NRG4: variants seen among roughly 807,000 people sequenced by gnomAD.
The protein encoded by NRG4 is pro-neuregulin-4, membrane-bound isoform.
Under a neutral mutation model 15.0 loss-of-function variants are expected in NRG4, and 10 were observed. That is an observed-to-expected ratio of 0.67 (90% CI 0.41 to 1.13). The LOEUF is 1.13. NRG4 is among the 50% of genes most tolerant of loss of function. NRG4 has a pLI of 0.00. For synonymous variants in NRG4, 41 were observed against 50.1 expected, an observed-to-expected ratio of 0.82 and a Z score of 0.77; for missense variants, 139 against 140.2, an observed-to-expected ratio of 0.99 and a Z score of 0.04.
Position 75,942,555 on chromosome 15 carries a change from C to T in NRG4, c.*1083G>A, listed in dbSNP as rs2031106161. On this transcript the variant is annotated 3_prime_UTR_variant, in exon 6 of 6. Coordinates refer to ENST00000394907, the MANE Select transcript of NRG4 (RefSeq NM_138573.4). ...TGTGTACTCTGTCTCAATGTCTTAC[C>T]CTCATGTGTTTGTGAAATGAGTGAA... 1 of 151,910 alleles carries T rather than the reference C, an allele frequency of 6.6e-6. No individual in the cohort carries two copies. 9.4% of individuals were successfully genotyped at this position (151,910 alleles called of 1,614,324 possible). A position where few individuals can be genotyped will look rare whatever the true frequency, so the allele number is the denominator to read the frequency against.
At chr15:75,965,420 G>A (rs2032752757) in intron 3 of NRG4, among the ~76,000 whole-genome samples, 1 of 152,148 alleles carries the variant, frequency 6.6e-6, no homozygotes, top group African/African-American at 2.4e-5. Context: ...TTATCTTACA[G>A]CTGGGATAAA....
In NRG4 at chr15:75,977,025, G is replaced by T. The variant is rs533024942; in HGVS notation, c.105-15051C>A. On this transcript the variant is annotated intron_variant, in intron 3 of 5. Coordinates refer to ENST00000394907, the MANE Select transcript of NRG4 (RefSeq NM_138573.4). This position sits in a 1 kb window ranked among gnomAD's most constrained non-coding sequence, Gnocchi z 4.9. ...GCTGCCTTTCTTTCAGAGATGCCCT[G>T]CCCAGAGAGGAGGAATCTAGAGAGG... Among the ~76,000 whole-genome samples the T allele has an allele frequency of 8.5e-5, 13 of 152,312 alleles. No individual in the cohort carries two copies. The East Asian group carries it at 2.1e-3, about 25-fold the overall frequency.
Position 76,007,575 on chromosome 15 carries a change from G to GC in NRG4, c.104+1624dup, listed in dbSNP as rs2034653379. Among the ~76,000 whole-genome samples, 5 of 151,832 alleles carry GC rather than the reference G, an allele frequency of 3.3e-5. No homozygotes were observed. In the South Asian group the frequency reaches 1.0e-3, roughly 32 times the overall value. On this transcript the variant is annotated intron_variant, in intron 3 of 5. Transcript: ENST00000394907. The stretch of plus-strand genomic sequence containing the variant: ...CTCCCGAGTAGCTGGGACTACAGGC[G>GC]CCCACCATCATGCCCAGCTAATTTT...
Position 76,043,796 on chromosome 15 carries a change from T to G in NRG4, c.-104-7805A>C, listed in dbSNP as rs554716759. Among the ~76,000 whole-genome samples, 11 of 152,240 alleles carry G rather than the reference T, an allele frequency of 7.2e-5. No individual in the cohort carries two copies. The South Asian group carries it at 1.0e-3, about 14-fold the overall frequency. On this transcript the variant is annotated intron_variant, in intron 4 of 8. Transcript: ENST00000563910. Reference sequence around the variant, plus strand: ...GAAACAGAAGAAACAATCCTAAAACTTATATGGAACCAGAAAAGACCCAGA... The same window carrying G: ...GAAACAGAAGAAACAATCCTAAAACGTATATGGAACCAGAAAAGACCCAGA...
chr15:75,972,147 G>C (rs1265233296), intron 3 of NRG4, among the ~76,000 whole-genome samples: 2 of 152,020 alleles, frequency 1.3e-5, no homozygotes, highest in Non-Finnish European at 2.9e-5. Flanking sequence ...TCATATGTTT[G>C]TTGGCCACAT....
upstream of NRG4, among the ~76,000 whole-genome samples, chr15:76,015,142 TTGTC>T (rs1346004197): frequency 6.6e-6 from 1 of 152,020 alleles, no homozygotes; most frequent in Non-Finnish European, 1.5e-5. Context: ...TTGGCTCTCT[TTGTC>T]TGTTATTGGT....
At chr15:75,980,481 G>A (rs10444808) in intron 3 of NRG4, among the ~76,000 whole-genome samples, 8,366 of 151,340 alleles carry the variant, frequency 0.055, 278 homozygotes, top group East Asian at 0.081. Context: ...AAGCATTTAG[G>A]ATAAAGGATA....
intron 3 of NRG4, among the ~76,000 whole-genome samples, chr15:75,967,398 T>C (rs113905425): frequency 0.011 from 1,741 of 152,046 alleles, 31 homozygotes; most frequent in African/African-American, 0.038. Context: ...AAACTGATCA[T>C]TATTAGTACA....
chr15:75,940,909 C>G (rs559227073), downstream of NRG4: 1 of 152,054 alleles, frequency 6.6e-6, no homozygotes, highest in South Asian at 2.1e-4. Flanking sequence ...GATATGACAC[C>G]AAATTCACAG....
chr15:76,023,905 C>T (rs2035233267), intron 5 of NRG4, among the ~76,000 whole-genome samples: 3 of 152,212 alleles, frequency 2.0e-5, no homozygotes, highest in Non-Finnish European at 4.4e-5. Flanking sequence ...ACACTCTCCC[C>T]TAAGCTAAGC....
At chr15:76,016,542 G>C (rs2034985857), upstream of NRG4, among the ~76,000 whole-genome samples, 1 of 152,064 alleles carries the variant, frequency 6.6e-6, no homozygotes, top group Admixed American at 6.6e-5. Flanking sequence ...TTGTTTCTTT[G>C]TTCTTATTGG....
intron 3 of NRG4, among the ~76,000 whole-genome samples, chr15:76,003,111 AGTATATTCTCTCACTATAATG>A (rs2034472943): frequency 6.6e-6 from 1 of 152,226 alleles, no homozygotes; most frequent in Non-Finnish European, 1.5e-5. Flanking sequence ...AATTGTAAAG[AGTATATTCTCTCACTATAATG>A]GAATTAAACT....
At chr15:76,054,282 G>A (rs1342654651) in intron 2 of NRG4, among the ~76,000 whole-genome samples, 1 of 150,520 alleles carries the variant, frequency 6.6e-6, no homozygotes, top group Non-Finnish European at 1.5e-5. Flanking sequence ...GTGGAGAAGG[G>A]GTTTCACCAG....
intron 3 of NRG4, among the ~76,000 whole-genome samples, chr15:75,993,199 C>T (rs2034084833): frequency 1.3e-5 from 2 of 151,034 alleles, no homozygotes; most frequent in Admixed American, 1.3e-4. Context: ...TATGATGTGT[C>T]TAAGTTTGCT....
chr15:75,938,339 A>T (rs942760725), downstream of NRG4: 2 of 152,234 alleles, frequency 1.3e-5, no homozygotes, highest in Admixed American at 1.3e-4. Context: ...TCTCATACCT[A>T]GAGTTACCAT....
chr15:75,989,155 GCCC>G (rs778929956), intron 3 of NRG4, among the ~76,000 whole-genome samples: 4 of 152,120 alleles, frequency 2.6e-5, no homozygotes, highest in Non-Finnish European at 5.9e-5. Flanking sequence ...AGCACACCCA[GCCC>G]TGAGTGAATT....
chr15:76,024,068 T>G (rs994169227), intron 5 of NRG4, among the ~76,000 whole-genome samples: 6 of 152,212 alleles, frequency 3.9e-5, no homozygotes, highest in Non-Finnish European at 8.8e-5. Context: ...AAAGGCCCCA[T>G]GCCTGCAATC....
chr15:75,971,264 G>A (rs1307417632), intron 3 of NRG4: 3 of 455,548 alleles, frequency 6.6e-6, no homozygotes, highest in Admixed American at 2.4e-5. Flanking sequence ...AAAACAATAA[G>A]GGTTTTGGTT....
chr15:75,975,289 C>T (rs914901198), intron 3 of NRG4, among the ~76,000 whole-genome samples: 1 of 152,114 alleles, frequency 6.6e-6, no homozygotes, highest in Non-Finnish European at 1.5e-5. Flanking sequence ...ACCAGTGAGT[C>T]TTGACTCTAT....
Sources: gnomAD v4.1 joint callset for allele counts (sites outside exome capture counted in the v4.1 genomes callset) on GRCh38, gnomAD v4.1.1 for gene constraint, Gnocchi (gnomAD v3.1) non-coding constraint, MANE v1.5 for transcripts, NCBI Gene and HGNC (gene_info 2026-07-23, HGNC 2026-07-21) for gene names.